Variants in PHACTR3 observed in about 807,000 individuals in gnomAD.
PHACTR3 encodes protein phosphatase 1, regulatory subunit 123.
In PHACTR3, 16 loss-of-function variants were observed where a neutral mutation model predicts 66.8. The observed-to-expected ratio is 0.24, with a 90% CI of 0.16 to 0.36. The LOEUF is 0.36. Among genes scored for constraint, PHACTR3 ranks in the 10% least tolerant of loss-of-function variants. PHACTR3 has a pLI of 1.00. For missense variants in PHACTR3, 647 were observed against 719.9 expected (o/e 0.90, Z 1.16); for synonymous variants, 323 against 292.1 (o/e 1.11, Z -1.08).
At chr20:59,775,236 C>T (rs988443782) in intron 7 of PHACTR3, among the ~76,000 whole-genome samples, 3 of 152,092 alleles carry the variant, frequency 2.0e-5, no homozygotes, top group African/African-American at 7.2e-5. Context: ...ACTGGCTGTG[C>T]GGGGCCCTCT....
chr20:59,645,091 C>T (rs1220335383), intron 1 of PHACTR3, among the ~76,000 whole-genome samples: 2 of 152,092 alleles, frequency 1.3e-5, no homozygotes, highest in Non-Finnish European at 2.9e-5. Context: ...AGATTTAGCT[C>T]CCACTCATGA....
Position 59,761,920 on chromosome 20 carries a change from G to C in PHACTR3, c.542-5266G>C, listed in dbSNP as rs1159824165. 2.0e-5 allele frequency among the ~76,000 whole-genome samples: 3 copies of C among 152,212 alleles called. No individual in the cohort carries two copies. The South Asian group carries it at 6.2e-4, about 32-fold the overall frequency. On this transcript the variant is annotated intron_variant, in intron 4 of 12. Coordinates refer to ENST00000371015, the MANE Select transcript of PHACTR3 (RefSeq NM_080672.5). ...CAAGGGAGCGGTCCCCCAAATGCAGGGAACCAGTGTCTTCTTCCACTTTTT... is the reference window on the plus strand; with the variant it reads ...CAAGGGAGCGGTCCCCCAAATGCAGCGAACCAGTGTCTTCTTCCACTTTTT...
chr20:59,583,000 T>C (rs2032906744), intron 1 of PHACTR3, among the ~76,000 whole-genome samples: 1 of 152,170 alleles, frequency 6.6e-6, no homozygotes, highest in Non-Finnish European at 1.5e-5. Context: ...TGAACAGTTT[T>C]TCTCAGTGTG....
chr20:59,785,882 T>TCCCC (rs1477444042), intron 7 of PHACTR3, among the ~76,000 whole-genome samples: 3 of 11,040 alleles, frequency 2.7e-4, no homozygotes, highest in African/African-American at 5.4e-4. Context: ...CCCTACTTCA[T>TCCCC]TTTGTTTTCC....
rs151329238 is a variant in PHACTR3, at chr20:59,659,868, C to T, written c.118+54736C>T. 8.9e-3 allele frequency among the ~76,000 whole-genome samples: 1,361 copies of T among 152,270 alleles called. 26 individuals are homozygous for T. Among genetic ancestry groups the T allele is most frequent in the African/African-American group, 0.031 (1,280 of 41,542 alleles). ...CATGCCACAGCCCGGCCAGCAGATG[C>T]AGGGGTCACAGAGAGCTACGTTTGT... On this transcript the variant is annotated intron_variant, in intron 1 of 12. Transcript: ENST00000371015.
chr20:59,625,442 A>T (rs1600945444), intron 1 of PHACTR3, among the ~76,000 whole-genome samples: 2 of 152,212 alleles, frequency 1.3e-5, no homozygotes, highest in East Asian at 3.9e-4. Flanking sequence ...ACTTTCAGAA[A>T]CTGGAAGATC....
In PHACTR3 at chr20:59,802,968, C is replaced by G. The variant is rs557843014; in HGVS notation, c.1175-3073C>G. On this transcript the variant is annotated intron_variant, in intron 7 of 12. Transcript: ENST00000371015. The stretch of plus-strand genomic sequence containing the variant: ...GACAATGCTGTATTATTTTCAAACC[C>G]CCTTGAGAAAAAGGCCTTTTGCACT... 2.0e-5 allele frequency among the ~76,000 whole-genome samples: 3 copies of G among 152,262 alleles called. No homozygotes were observed. The South Asian group carries it at 6.2e-4, about 32-fold the overall frequency.
intron 1 of PHACTR3, among the ~76,000 whole-genome samples, chr20:59,680,724 A>G (rs1488041349): frequency 6.6e-6 from 1 of 152,238 alleles, no homozygotes; most frequent in Non-Finnish European, 1.5e-5. Context: ...GGCCCAAGAC[A>G]ATTCTTCTTT....
chr20:59,623,293 G>A (rs904262335), intron 1 of PHACTR3, among the ~76,000 whole-genome samples: 38 of 152,204 alleles, frequency 2.5e-4, no homozygotes, highest in African/African-American at 8.4e-4. Flanking sequence ...CCAGCTGTCT[G>A]CTTCTCCTCT....
At chr20:59,679,855 G>A (rs936635499) in intron 1 of PHACTR3, among the ~76,000 whole-genome samples, 2 of 152,140 alleles carry the variant, frequency 1.3e-5, no homozygotes, top group Non-Finnish European at 2.9e-5. Flanking sequence ...CCATGATTCA[G>A]TTACCTCCTG....
intron 4 of PHACTR3, among the ~76,000 whole-genome samples, chr20:59,759,394 C>G (rs190838392): frequency 1.3e-5 from 2 of 152,262 alleles, no homozygotes; most frequent in Non-Finnish European, 2.9e-5. Flanking sequence ...CACAGAAATC[C>G]AGATGTGCAG....
chr20:59,772,189 G>A lies in PHACTR3; in HGVS notation c.752-1090G>A, dbSNP rs370620394. Reference sequence around the variant, plus strand: ...CAAAGCCCATGCTCTCTGCTCTTCCGGGCACCTGACACCCTGCTGGCCCGG... The same window carrying A: ...CAAAGCCCATGCTCTCTGCTCTTCCAGGCACCTGACACCCTGCTGGCCCGG... On this transcript the variant is annotated intron_variant, in intron 5 of 12. Transcript: ENST00000371015. Among the ~76,000 whole-genome samples, 27 of 152,340 alleles carry A rather than the reference G, an allele frequency of 1.8e-4. No individual in the cohort carries two copies. The South Asian group carries it at 2.5e-3, about 14-fold the overall frequency.
At chr20:59,834,615 C>G (rs1309860307) in intron 8 of PHACTR3, among the ~76,000 whole-genome samples, 1 of 152,192 alleles carries the variant, frequency 6.6e-6, no homozygotes, top group Non-Finnish European at 1.5e-5. Flanking sequence ...CTCACTCCCT[C>G]AGTGTTTAAG....
rs574735559 is a variant in PHACTR3, at chr20:59,772,928, T to G, written c.752-351T>G. ...GCTGAAGGGTGGCTGCACAGATTCT[T>G]CCGGGTTTCCCAAGAACAAGAAGCA... On this transcript the variant is annotated intron_variant, in intron 5 of 12. Transcript: ENST00000371015. Among the ~76,000 whole-genome samples the G allele has an allele frequency of 4.6e-5, 7 of 152,246 alleles. No individual in the cohort carries two copies. The South Asian group carries it at 1.5e-3, about 32-fold the overall frequency.
chr20:59,641,889 T>G (rs1230924097), intron 1 of PHACTR3, among the ~76,000 whole-genome samples: 1 of 152,222 alleles, frequency 6.6e-6, no homozygotes, highest in Admixed American at 6.5e-5. Context: ...ATTTTATTAA[T>G]TGCTCTTCTA....
chr20:59,640,232 C>G (rs1387891571), intron 1 of PHACTR3, among the ~76,000 whole-genome samples: 2 of 152,164 alleles, frequency 1.3e-5, no homozygotes, highest in South Asian at 4.1e-4. Context: ...CTTAGCTCAC[C>G]ACATGGACTC....
intron 1 of PHACTR3, among the ~76,000 whole-genome samples, chr20:59,704,560 G>GTAT (rs1344550753): frequency 8.8e-6 from 1 of 113,332 alleles, no homozygotes; most frequent in African/African-American, 3.4e-5. Flanking sequence ...CCTGAGAATA[G>GTAT]TCTTTTTTTT....
chr20:59,620,745 A>G lies in PHACTR3; in HGVS notation c.118+15613A>G, dbSNP rs77450823. Among the ~76,000 whole-genome samples the G allele has an allele frequency of 7.9e-3, 1,202 of 152,254 alleles. 16 individuals are homozygous for G. Among genetic ancestry groups the G allele is most frequent in the African/African-American group, 0.027 (1,142 of 41,536 alleles). On this transcript the variant is annotated intron_variant, in intron 1 of 12. Transcript: ENST00000371015. ...CGTCAGCGTTTTGTGGGAAACCTTG[A>G]GACTGTCAGACATCGTTTCTCATCA...
At chr20:59,841,286 G>GGTTTTTTTTGTTTTGTTTT in intron 10 of PHACTR3, 109 bp from the exon 11 acceptor site, 1 of 1,163,016 alleles carries the variant, frequency 8.6e-7, no homozygotes, top group Non-Finnish European at 1.2e-6. Context: ...TCCAGTTTCA[G>GGTTTTTTTTGTTTTGTTTT]GTTTTTTTTG....
Sources: gnomAD v4.1 joint callset for allele counts (sites outside exome capture counted in the v4.1 genomes callset) on GRCh38, gnomAD v4.1.1 for gene constraint, MANE v1.5 for transcripts, NCBI Gene and HGNC (gene_info 2026-07-23, HGNC 2026-07-21) for gene names.